Variants in MYH16 observed in about 807,000 individuals in gnomAD.
MYH16 encodes myosin heavy chain 16.
At chr7:99,290,668 T>C (rs11765000) in intron 30 of MYH16, among the ~76,000 whole-genome samples, 39,254 of 151,516 alleles carry the variant, frequency 0.26, 11,287 homozygotes, top group African/African-American at 0.72. Flanking sequence ...CTGGGCATGG[T>C]GGTACACACT....
intron 31 of MYH16, 47 bp downstream of exon 12, chr7:99,291,497 A>C (rs1792375720): frequency 2.2e-6 from 1 of 449,696 alleles, no homozygotes; most frequent in Non-Finnish European, 4.5e-6. Context: ...TGCCGCCTTA[A>C]AGTTATAGGT....
chr7:99,277,741 G>A (rs1394500090), intron 21 of MYH16, 29 bp downstream of exon 3: 1 of 448,474 alleles, frequency 2.2e-6, no homozygotes, highest in Non-Finnish European at 4.5e-6. Flanking sequence ...GAGAAGGGTG[G>A]GAAACCCATA....
intron 21 of MYH16, among the ~76,000 whole-genome samples, chr7:99,278,572 C>T (rs1792151071): frequency 6.6e-6 from 1 of 152,210 alleles, no homozygotes; most frequent in Non-Finnish European, 1.5e-5. Flanking sequence ...CTCACAGCCG[C>T]CCTGTAAGAC....
exon 33 of MYH16, chr7:99,294,134 C>G (rs1357953992): frequency 2.2e-6 from 1 of 456,174 alleles, no homozygotes. Flanking sequence ...GAGGACCTCA[C>G]CATCGACTTG....
chr7:99,256,911 A>G (rs752683952), intron 9 of MYH16, among the ~76,000 whole-genome samples: 7 of 152,188 alleles, frequency 4.6e-5, no homozygotes, highest in Non-Finnish European at 8.8e-5. Context: ...TGATCGTGCC[A>G]CTGCACTCTA....
chr7:99,285,243 T>C (rs147233333), intron 26 of MYH16, 139 bp from the exon 9 acceptor site: 2 of 394,170 alleles, frequency 5.1e-6, no homozygotes, highest in East Asian at 1.4e-4. Flanking sequence ...TTGCACTTGC[T>C]CTCTGGGATC....
At chr7:99,247,235 C>T (rs1442332077) in intron 2 of MYH16, among the ~76,000 whole-genome samples, 5 of 152,310 alleles carry the variant, frequency 3.3e-5, no homozygotes, top group South Asian at 2.1e-4. Context: ...TACAGTGGCA[C>T]GATCTTGGCT....
chr7:99,287,533 CAAAAAAAAAAAA>C (rs397889162), intron 28 of MYH16, among the ~76,000 whole-genome samples: 4 of 46,902 alleles, frequency 8.5e-5, no homozygotes, highest in Non-Finnish European at 1.4e-4. Context: ...AACTTCTTCT[CAAAAAAAAAAAA>C]AAAAAAAAAA....
intron 36 of MYH16, among the ~76,000 whole-genome samples, chr7:99,299,058 T>C (rs1792548228): frequency 6.8e-6 from 1 of 147,014 alleles, no homozygotes; most frequent in Non-Finnish European, 1.5e-5. Flanking sequence ...AAAACCCCGC[T>C]CTACAAAAAA....
At chr7:99,304,017 T>A (rs1439403718) in intron 39 of MYH16, among the ~76,000 whole-genome samples, 1 of 152,130 alleles carries the variant, frequency 6.6e-6, no homozygotes, top group African/African-American at 2.4e-5. Context: ...TTCTGTTTAC[T>A]CCCCACTTGG....
intron 20 of MYH16, among the ~76,000 whole-genome samples, chr7:99,274,323 G>A (rs1228523624): frequency 2.0e-5 from 3 of 152,232 alleles, no homozygotes; most frequent in Non-Finnish European, 4.4e-5. Flanking sequence ...GGCACCAGAA[G>A]AGGGAGTCAG....
At chr7:99,275,030 TG>T (rs1792092949) in intron 20 of MYH16, among the ~76,000 whole-genome samples, 1 of 152,138 alleles carries the variant, frequency 6.6e-6, no homozygotes, top group Non-Finnish European at 1.5e-5. Context: ...GGTCTCACTC[TG>T]TTGCCCAGGC....
intron 32 of MYH16, 74 bp from the exon 14 acceptor site, chr7:99,293,944 G>A (rs1792431141): frequency 5.2e-6 from 2 of 382,880 alleles, no homozygotes; most frequent in Admixed American, 3.2e-5. Context: ...ACCACACTCT[G>A]ACCCTGGCAG....
At chr7:99,284,935 G>C (rs761079732) in exon 26 of MYH16, 3 of 456,554 alleles carry the variant, frequency 6.6e-6, no homozygotes, top group African/African-American at 4.0e-5. Flanking sequence ...AGGAGCACCA[G>C]GTATGTCCAG....
chr7:99,243,793 TCATC>T lies in MYH16; in HGVS notation n.354+392_354+395del, dbSNP rs773793560. On this transcript the variant is annotated intron_variant and non_coding_transcript_variant, in intron 2 of 41. Transcript: ENST00000439784. The stretch of plus-strand genomic sequence containing the variant: ...TCCATTCATCCATCTATCCATTCAT[TCATC>T]CATCCATCCATCCATCCATTCATCC... Among the ~76,000 whole-genome samples, 35 of 150,498 alleles carry T rather than the reference TCATC, an allele frequency of 2.3e-4. No individual in the cohort carries two copies. In the East Asian group the frequency reaches 3.5e-3, roughly 15 times the overall value.
At chr7:99,296,134 A>C (rs895617632) in intron 33 of MYH16, among the ~76,000 whole-genome samples, 30 of 145,660 alleles carry the variant, frequency 2.1e-4, no homozygotes, top group Non-Finnish European at 7.5e-5. Context: ...ACAGGGTGAG[A>C]CTCCATCTCA....
chr7:99,298,099 T>C (rs1792530288), intron 36 of MYH16, 104 bp downstream of exon 17: 1 of 408,298 alleles, frequency 2.4e-6, no homozygotes, highest in South Asian at 1.8e-5. Flanking sequence ...CGTTGGGCAA[T>C]TCAGGTGAAC....
chr7:99,294,055 GCAGCTGAAACTGCC>G (rs1792434201), exon 33 of MYH16: 1 of 455,794 alleles, frequency 2.2e-6, no homozygotes, highest in Non-Finnish European at 4.4e-6. Context: ...GGCAGAAGAA[GCAGCTGAAACTGCC>G]CAGGCCCGGG....
At chr7:99,299,821 T>C (rs147812880) in intron 37 of MYH16, among the ~76,000 whole-genome samples, 163 bp downstream of exon 18, 42 of 152,092 alleles carry the variant, frequency 2.8e-4, no homozygotes, top group African/African-American at 9.2e-4. Flanking sequence ...TTGGGGACTA[T>C]ATAAAGAAGA....
Sources: allele counts gnomAD v4.1 joint callset (sites outside exome capture counted in the v4.1 genomes callset), GRCh38; gene constraint gnomAD v4.1.1; transcripts MANE v1.5; gene names NCBI Gene and HGNC (gene_info 2026-07-23, HGNC 2026-07-21).